Variants in EHMT1 observed in about 807,000 individuals in gnomAD.
EHMT1 encodes histone-lysine N-methyltransferase EHMT1.
A neutral mutation model predicts 147.2 loss-of-function variants in EHMT1; 15 were observed. That is an observed-to-expected ratio of 0.10 (90% CI 0.07 to 0.16). The LOEUF (loss-of-function observed/expected upper bound fraction) is 0.16, where lower values mean the gene tolerates loss of function less well. Ranked by LOEUF, EHMT1 falls within the 10% of genes least tolerant of loss-of-function variation. The pLI is 1.00. For synonymous variants in EHMT1, 795 were observed against 709.6 expected (o/e 1.12, Z -1.91); for missense variants, 1,587 against 1,772.4 (o/e 0.90, Z 1.88).
Position 137,716,739 on chromosome 9 carries a change from G to A in EHMT1, c.199G>A (p.Ala67Thr), listed in dbSNP as rs764527438. The change falls in exon 3 of 27, where the codon GCA (alanine) becomes ACA (threonine). Residue 67 changes from alanine (A) to threonine (T), a missense_variant. By Grantham distance (58) the Ala-to-Thr change is moderately conservative. This residue lies in a region of EHMT1 where 810 missense variants were observed against 673.0 expected (regional missense o/e 1.20). Coordinates refer to ENST00000460843, the MANE Select transcript of EHMT1 (RefSeq NM_024757.5). ...TGAAAACAGCGATGCCAGCAGTCAT[G>A]CAAATGCTGCAAAGCACACTCAGGA... Reference protein sequence around the residue: ...SCENSDASSHANAAKHTQDSA... With the variant: ...SCENSDASSHTNAAKHTQDSA... 1 of 1,612,684 alleles carries A rather than the reference G, an allele frequency of 6.2e-7. No individual in the cohort carries two copies. The highest frequency in any genetic ancestry group is 1.1e-5 in the South Asian group (1 of 91,088).
At chr9:137,801,134 G>A in intron 18 of EHMT1, 150 bp downstream of exon 18, 1 of 731,804 alleles carries the variant, frequency 1.4e-6, no homozygotes, top group East Asian at 2.7e-5. Flanking sequence ...ACTGTGCTGT[G>A]GCTGTCCTGT....
At chr9:137,802,332 T>C in intron 18 of EHMT1, 1 of 398,574 alleles carries the variant, frequency 2.5e-6, no homozygotes, top group Non-Finnish European at 4.4e-6. Flanking sequence ...CTCAGAGGTG[T>C]GTCCACCTTC....
rs1956547755 is a variant in EHMT1 at position 137,835,985 on chromosome 9, C to T, written c.*1032C>T. The stretch of plus-strand genomic sequence containing the variant: ...TAACAGTGGGGTTTTTTTTGTGCAA[C>T]TCTTCTAAAAACATTCATAATGCAG... On this transcript the variant is annotated 3_prime_UTR_variant, in exon 27 of 27. Transcript: ENST00000460843. 6.6e-6 allele frequency: 1 copy of T among 152,464 alleles called. No individual in the cohort carries two copies. The highest frequency in any genetic ancestry group is 6.5e-5 in the Admixed American group (1 of 15,272). 9.4% of individuals were successfully genotyped at this position (152,464 alleles called of 1,614,324 possible).
At chr9:137,652,656 G>A (rs979371136) in intron 1 of EHMT1, among the ~76,000 whole-genome samples, 1 of 151,896 alleles carries the variant, frequency 6.6e-6, no homozygotes, top group African/African-American at 2.4e-5. Flanking sequence ...AGAGTGTTGG[G>A]ATTACAGGCG....
chr9:137,834,105 C>T (rs940269205), intron 25 of EHMT1: 2 of 593,584 alleles, frequency 3.4e-6, no homozygotes, highest in Non-Finnish European at 3.0e-6. Context: ...CCCGCACCAC[C>T]CCCACCCCAC....
At chr9:137,769,232 A>G (rs1041336104) in intron 10 of EHMT1, among the ~76,000 whole-genome samples, 4 of 151,854 alleles carry the variant, frequency 2.6e-5, no homozygotes, top group East Asian at 1.9e-4. Flanking sequence ...CTAAAACTCT[A>G]CAGTATATTG....
chr9:137,797,855 C>T (rs545623520), intron 16 of EHMT1, among the ~76,000 whole-genome samples: 1 of 152,078 alleles, frequency 6.6e-6, no homozygotes, highest in African/African-American at 2.4e-5. Flanking sequence ...TGAAGGGAGA[C>T]GGTGGTGGAG....
chr9:137,750,800 C>A (rs951868064), intron 6 of EHMT1, among the ~76,000 whole-genome samples: 1 of 152,150 alleles, frequency 6.6e-6, no homozygotes, highest in African/African-American at 2.4e-5. Context: ...TACTCAGGAG[C>A]GCTGAGGCGG....
At chr9:137,649,547 G>T (rs1845157306) in intron 1 of EHMT1, among the ~76,000 whole-genome samples, 1 of 152,188 alleles carries the variant, frequency 6.6e-6, no homozygotes, top group Admixed American at 6.6e-5. Context: ...TAATTTGGAC[G>T]TAGGATCTTT....
At chr9:137,619,519 C>T (rs1164216314) in intron 1 of EHMT1, among the ~76,000 whole-genome samples, 2 of 152,128 alleles carry the variant, frequency 1.3e-5, no homozygotes, top group African/African-American at 4.8e-5. Flanking sequence ...TCCTTCGCTT[C>T]GTTGACCTTT....
chr9:137,816,172 G>A (rs1954904344), intron 23 of EHMT1, 110 bp downstream of exon 23: 4 of 974,736 alleles, frequency 4.1e-6, no homozygotes, highest in Non-Finnish European at 6.4e-6. Context: ...GCACGCACAT[G>A]TGTGTTTGCA....
Position 137,744,096 on chromosome 9 carries a change from T to C in EHMT1, c.1170+6T>C. On this transcript the variant is annotated splice_donor_region_variant and intron_variant, in intron 6 of 26. Coordinates refer to ENST00000460843, the MANE Select transcript of EHMT1 (RefSeq NM_024757.5). ...AGGCTGATCGCGCCCAGAAGGTATG[T>C]GTTGCTGTCTTGGGTGACAGCACAA... is the stretch of plus-strand genomic sequence containing the variant. 1 of 1,613,946 alleles carries C rather than the reference T, an allele frequency of 6.2e-7. No individual in the cohort carries two copies.
At chr9:137,736,556 A>G (rs543723010) in intron 4 of EHMT1, among the ~76,000 whole-genome samples, 2 of 152,374 alleles carry the variant, frequency 1.3e-5, no homozygotes, top group East Asian at 1.9e-4. Flanking sequence ...AGGATCGACC[A>G]TATGTTAGGC....
chr9:137,643,714 C>T (rs559341153), intron 1 of EHMT1, among the ~76,000 whole-genome samples: 9 of 152,254 alleles, frequency 5.9e-5, no homozygotes, highest in African/African-American at 2.2e-4. Flanking sequence ...GATGAGGAAC[C>T]ATTGCTCATC....
At chr9:137,724,229 T>A (rs1028972723) in intron 3 of EHMT1, among the ~76,000 whole-genome samples, 5 of 152,194 alleles carry the variant, frequency 3.3e-5, no homozygotes, top group African/African-American at 1.2e-4. Flanking sequence ...GAAGTGCTGC[T>A]AAGTGTCCTA....
At chr9:137,808,458 A>G (rs1236297499) in intron 18 of EHMT1, among the ~76,000 whole-genome samples, 2 of 151,678 alleles carry the variant, frequency 1.3e-5, no homozygotes, top group Non-Finnish European at 2.9e-5. Context: ...ATAGGTTTTG[A>G]CTGTTTTGTT....
chr9:137,621,562 G>T (rs912052317), intron 1 of EHMT1, among the ~76,000 whole-genome samples: 1 of 152,094 alleles, frequency 6.6e-6, no homozygotes. Flanking sequence ...TCTGGGCATA[G>T]TGGTGTGTGC....
At chr9:137,808,934 T>A (rs1047369941) in intron 18 of EHMT1, among the ~76,000 whole-genome samples, 2 of 151,582 alleles carry the variant, frequency 1.3e-5, no homozygotes, top group Non-Finnish European at 2.9e-5. Flanking sequence ...TAAAAAAAAA[T>A]AAAAAATGTA....
chr9:137,822,622 C>T (rs1955502672), intron 25 of EHMT1, among the ~76,000 whole-genome samples: 1 of 152,096 alleles, frequency 6.6e-6, no homozygotes, highest in South Asian at 2.1e-4. Context: ...GGGCCGGGCG[C>T]AGTGGCTCAC....
Sources: allele counts gnomAD v4.1 joint callset (sites outside exome capture counted in the v4.1 genomes callset), GRCh38; gene constraint gnomAD v4.1.1; regional missense constraint gnomAD v4.1.1; transcripts MANE v1.5; gene names NCBI Gene and HGNC (gene_info 2026-07-23, HGNC 2026-07-21).